The following CAPN5 variants were observed in gnomAD, a reference collection of about 807,000 sequenced individuals.
CAPN5 encodes calpain-5.
A neutral mutation model predicts 73.0 loss-of-function variants in CAPN5; 54 were observed. The observed-to-expected ratio is 0.74, with a 90% CI of 0.59 to 0.93. The LOEUF is 0.93. Ranked by LOEUF, CAPN5 falls within the 40% of genes least tolerant of loss-of-function variation. CAPN5 has a pLI of 0.00. For missense variants in CAPN5, 785 were observed against 882.9 expected (o/e 0.89, Z 1.41); for synonymous variants, 335 against 356.9 (o/e 0.94, Z 0.69).
intron 3 of CAPN5, among the ~76,000 whole-genome samples, chr11:77,097,520 G>T (rs1322924392): frequency 7.9e-6 from 1 of 126,150 alleles, no homozygotes; most frequent in Non-Finnish European, 1.6e-5. Context: ...TCTCACAGAG[G>T]GGGATTTGGC....
intron 1 of CAPN5, among the ~76,000 whole-genome samples, chr11:77,069,642 C>A (rs899591540): frequency 6.6e-6 from 1 of 152,066 alleles, no homozygotes; most frequent in Non-Finnish European, 1.5e-5. Context: ...GTCTGCAACA[C>A]CCCCCACCCC....
intron 3 of CAPN5, among the ~76,000 whole-genome samples, chr11:77,097,826 C>T (rs1950228663): frequency 1.1e-5 from 1 of 90,142 alleles, no homozygotes; most frequent in Non-Finnish European, 2.1e-5. Context: ...GCAGAAGAAT[C>T]TTTCTTAGTG....
At chr11:77,112,844 G>A (rs1001324367) in intron 4 of CAPN5, 47 bp downstream of exon 4, 3 of 1,545,278 alleles carry the variant, frequency 1.9e-6, no homozygotes, top group Admixed American at 1.7e-5. Flanking sequence ...AGACGGGGGT[G>A]GCACCGGATG....
chr11:77,091,469 C>T (rs1950148510), intron 2 of CAPN5, among the ~76,000 whole-genome samples: 1 of 152,220 alleles, frequency 6.6e-6, no homozygotes, highest in Non-Finnish European at 1.5e-5. Context: ...TTACACCTCC[C>T]TGGGCCTCAG....
chr11:77,078,755 A>G (rs1464118344), intron 1 of CAPN5, among the ~76,000 whole-genome samples: 1 of 149,220 alleles, frequency 6.7e-6, no homozygotes, highest in Non-Finnish European at 1.5e-5. Flanking sequence ...AATTTCTTTC[A>G]TCAGTGTTTC....
At chr11:77,112,875 T>C in intron 4 of CAPN5, 78 bp downstream of exon 4, 2 of 1,357,490 alleles carry the variant, frequency 1.5e-6, no homozygotes, top group Non-Finnish European at 2.1e-6. Context: ...GGTATTCCGT[T>C]AGCCAGGGCT....
At chr11:77,085,304 G>A (rs917992370) in intron 2 of CAPN5, among the ~76,000 whole-genome samples, 3 of 152,188 alleles carry the variant, frequency 2.0e-5, no homozygotes, top group Admixed American at 1.3e-4. Flanking sequence ...TTCCTCACAG[G>A]AAAAATGGGG....
At chr11:77,098,093 CGGGGGGCTG>C (rs1950232901) in intron 3 of CAPN5, among the ~76,000 whole-genome samples, 1 of 74,288 alleles carries the variant, frequency 1.3e-5, no homozygotes, top group African/African-American at 8.3e-5. Flanking sequence ...GCTGGCCGGG[CGGGGGGCTG>C]ACCCCCCCAC....
chr11:77,106,948 A>T (rs1950355629), intron 3 of CAPN5, among the ~76,000 whole-genome samples: 1 of 152,230 alleles, frequency 6.6e-6, no homozygotes, highest in Non-Finnish European at 1.5e-5. Flanking sequence ...GGCCCAGCAG[A>T]GACCATTAGC....
chr11:77,070,152 GT>G (rs2135402650), intron 1 of CAPN5, among the ~76,000 whole-genome samples: 1 of 152,332 alleles, frequency 6.6e-6, no homozygotes, highest in East Asian at 1.9e-4. Context: ...AGGGACCCAA[GT>G]TTTCCCAGGG....
At chr11:77,095,604 G>A (rs1486126127) in intron 3 of CAPN5, among the ~76,000 whole-genome samples, 2 of 152,168 alleles carry the variant, frequency 1.3e-5, no homozygotes, top group African/African-American at 2.4e-5. Flanking sequence ...CCCCACGGTC[G>A]GCCTTGCTCC....
chr11:77,123,475 A>C (rs1262675744), intron 12 of CAPN5, among the ~76,000 whole-genome samples: 1 of 152,138 alleles, frequency 6.6e-6, no homozygotes, highest in African/African-American at 2.4e-5. Context: ...CACTTTATGC[A>C]TGGGAGGGAG....
At chr11:77,104,150 G>A (rs1950319042) in intron 3 of CAPN5, among the ~76,000 whole-genome samples, 2 of 152,200 alleles carry the variant, frequency 1.3e-5, no homozygotes, top group Admixed American at 6.5e-5. Context: ...CTTAACAGGG[G>A]CCTGGTCCGG....
intron 3 of CAPN5, among the ~76,000 whole-genome samples, chr11:77,112,322 G>C (rs527652615): frequency 6.6e-6 from 1 of 152,220 alleles, no homozygotes; most frequent in East Asian, 1.9e-4. Flanking sequence ...GTTGCAGGGA[G>C]GCATGAGAAA....
chr11:77,114,320 G>A lies in CAPN5; in HGVS notation c.585G>A (p.Glu195=). The A allele has an allele frequency of 6.2e-7, 1 of 1,614,182 alleles. No individual in the cohort carries two copies. The highest frequency in any genetic ancestry group is 1.3e-5 in the African/African-American group (1 of 75,036). ...ALVDFTGGVS[E]PIDLTEGDFA... ...TGGACTTCACGGGTGGTGTTTCTGA[G>A]CCCATCGACCTGACCGAGGGTGACT... Residue 195 remains glutamate, a synonymous_variant, in exon 5 of 13, where the codon GAG becomes GAA. Coordinates refer to ENST00000648180, the MANE Select transcript of CAPN5 (RefSeq NM_004055.5).
rs782161206 is a variant in CAPN5 at position 77,120,747 on chromosome 11, T to A, written c.1325T>A (p.Leu442Gln). 6.2e-7 allele frequency: 1 copy of A among 1,613,502 alleles called. No individual in the cohort carries two copies. The highest frequency in any genetic ancestry group is 1.7e-5 in the Admixed American group (1 of 60,004). Reference sequence around the variant, plus strand: ...AACCGCCAGTACCGCATGCACAGCCTGCAGCACAAGGCCGCCAGCTCCATC... The same window carrying A: ...AACCGCCAGTACCGCATGCACAGCCAGCAGCACAAGGCCGCCAGCTCCATC... The part of the protein sequence containing the change: ...EENRQYRMHS[L>Q]QHKAASSIYI... Residue 442 changes from leucine to glutamine, a missense_variant, in exon 10 of 13, where the codon CTG (leucine) becomes CAG (glutamine). By Grantham distance (113) the Leu-to-Gln change is moderately radical. Transcript: ENST00000648180.
At chr11:77,097,482 T>TTG (rs1555037686) in intron 3 of CAPN5, among the ~76,000 whole-genome samples, 10 of 144,806 alleles carry the variant, frequency 6.9e-5, no homozygotes, top group Admixed American at 6.8e-5. Context: ...TTTTTTTTTT[T>TTG]TTTTTTTATT....
At chr11:77,098,185 C>T (rs1462020060) in intron 3 of CAPN5, among the ~76,000 whole-genome samples, 1 of 63,646 alleles carries the variant, frequency 1.6e-5, no homozygotes, top group African/African-American at 1.0e-4. Context: ...CGGGCAGAGG[C>T]GTCCCTCACC....
rs6624412 is a variant in CAPN5, at chr11:77,098,138, T to C, written c.297+4325T>C. On this transcript the variant is annotated intron_variant, in intron 3 of 12. Transcript: ENST00000648180. ...CTCCCTCCCGGACGGGGCGGCTGGC[T>C]GGGCAGAGGGGCTCCTCACTTCCCA... 7.0e-3 allele frequency among the ~76,000 whole-genome samples: 339 copies of C among 48,316 alleles called. 3 individuals are homozygous for C. The highest frequency in any genetic ancestry group is 9.9e-3 in the Non-Finnish European group (269 of 27,272). 31.7% of individuals were successfully genotyped at this position (48,316 alleles called of 152,430 possible). A position where few individuals can be genotyped will look rare whatever the true frequency, so the allele number is the denominator to read the frequency against.
Sources: gnomAD v4.1 joint callset for allele counts (sites outside exome capture counted in the v4.1 genomes callset) on GRCh38, gnomAD v4.1.1 for gene constraint, MANE v1.5 for transcripts, NCBI Gene and HGNC (gene_info 2026-07-23, HGNC 2026-07-21) for gene names.